Variants in EOMES observed in about 807,000 individuals in gnomAD.
EOMES encodes eomesodermin.
A neutral mutation model predicts 61.0 loss-of-function variants in EOMES; 18 were observed. The ratio of observed to expected loss-of-function variants is 0.30; its 90% CI spans 0.20 to 0.44. The LOEUF is 0.44. EOMES is among the 20% of genes least tolerant of loss of function. The probability of loss-of-function intolerance (pLI) is 1.00; values close to 1 mark genes in which losing one functional copy is unlikely to be tolerated. For synonymous variants in EOMES, 430 were observed against 394.0 expected (o/e 1.09, Z -1.08); for missense variants, 885 against 939.2 (o/e 0.94, Z 0.75).
rs1456823948 is a variant in EOMES at position 27,721,641 on chromosome 3, C to G, written c.654G>C (p.Ala218=). The change falls in exon 1 of 6, where the codon GCG becomes GCC. Residue 218 remains alanine (A), a synonymous_variant. Transcript: ENST00000449599. The surrounding 1 kb of genome is among the most constrained non-coding windows in gnomAD (Gnocchi z 7.4). ...FGPGAGAGSG[A]GGSSGGGGGP... Reference sequence around the variant, plus strand: ...CGCCGCCCCCGCCGCTGCTACCGCCCGCGCCACTGCCCGCACCGGCTCCTG... The same window carrying G: ...CGCCGCCCCCGCCGCTGCTACCGCCGGCGCCACTGCCCGCACCGGCTCCTG... The G allele has an allele frequency of 6.5e-7, 1 of 1,541,284 alleles. No homozygotes were observed. The highest frequency in any genetic ancestry group is 1.2e-5 in the South Asian group (1 of 84,046).
chr3:27,722,367 G>A, upstream of EOMES: 1 of 1,393,222 alleles, frequency 7.2e-7, no homozygotes, highest in Non-Finnish European at 9.3e-7. Context: ...CAGGATGGGG[G>A]AGCCAGCGCC....
Position 27,716,156 on chromosome 3 carries a change from T to A in EOMES, c.*914A>T, listed in dbSNP as rs980336320. The A allele has an allele frequency of 6.6e-6, 1 of 152,188 alleles. No individual in the cohort carries two copies. Among genetic ancestry groups the A allele is most frequent in the African/African-American group, 2.4e-5 (1 of 41,452 alleles). The allele number at this position is 152,188 out of a possible 1,614,324, so 9.4% of individuals were successfully genotyped here. A position where few individuals can be genotyped will look rare whatever the true frequency, so the allele number is the denominator to read the frequency against. ...GTTAGTACATAGTAGCTGAATACAT[T>A]CTTAACTATCTAAGAAGTAAACAGA... On this transcript the variant is annotated 3_prime_UTR_variant, in exon 6 of 6. Transcript: ENST00000449599.
chr3:27,721,891 G>T lies in EOMES; in HGVS notation c.404C>A (p.Ser135Tyr). 2 of 1,453,244 alleles carry T rather than the reference G, an allele frequency of 1.4e-6. No homozygotes were observed. The highest frequency in any genetic ancestry group is 1.8e-6 in the Non-Finnish European group (2 of 1,109,158). 90.0% of individuals were successfully genotyped at this position (1,453,244 alleles called of 1,614,324 possible). A position where few individuals can be genotyped will look rare whatever the true frequency, so the allele number is the denominator to read the frequency against. Reference sequence around the variant, plus strand: ...CCGCTCGGAGCTCAGGCTGTCCATGGAGTAGCGCGCAGTGGCCGCAGCCGC... The same window carrying T: ...CCGCTCGGAGCTCAGGCTGTCCATGTAGTAGCGCGCAGTGGCCGCAGCCGC... ...AAAAAATARY[S>Y]MDSLSSERYY... is the part of the protein sequence containing the mutation. The change falls in exon 1 of 6, where the codon TCC becomes TAC. Residue 135 changes from serine to tyrosine, a missense_variant. Ser to Tyr is a moderately radical substitution (Grantham distance 144). This residue lies in a region of EOMES where 449 missense variants were observed against 383.6 expected (regional missense o/e 1.17). Coordinates refer to ENST00000449599, the MANE Select transcript of EOMES (RefSeq NM_001278182.2). The surrounding 1 kb of genome is among the most constrained non-coding windows in gnomAD (Gnocchi z 7.4).
chr3:27,721,969 C>T lies in EOMES; in HGVS notation c.326G>A (p.Cys109Tyr). 4 of 1,437,808 alleles carry T rather than the reference C, an allele frequency of 2.8e-6. No individual in the cohort carries two copies. The highest frequency in any genetic ancestry group is 3.6e-6 in the Non-Finnish European group (4 of 1,105,680). The allele number at this position is 1,437,808 out of a possible 1,614,324, so 89.1% of individuals were successfully genotyped here. Reference protein sequence around the residue: ...GPPDGRKGSPCGEEELPSAAA... With the variant: ...GPPDGRKGSPYGEEELPSAAA... ...GGCGGAGGGCAGCTCCTCCTCCCCG[C>T]AGGGGGAGCCCTTGCGGCCGTCCGG... is the stretch of plus-strand genomic sequence containing the variant. Residue 109 changes from cysteine to tyrosine, a missense_variant, in exon 1 of 6, where the codon TGC becomes TAC. Around this residue, in one of 3 missense-constraint regions of EOMES, gnomAD observed 449 missense variants for 383.6 expected, o/e 1.17. Coordinates refer to ENST00000449599, the MANE Select transcript of EOMES (RefSeq NM_001278182.2). This position sits in a 1 kb window ranked among gnomAD's most constrained non-coding sequence, Gnocchi z 7.4.
In EOMES at chr3:27,717,617, G is replaced by T. The variant is rs2060579024; in HGVS notation, c.1571C>A (p.Pro524His). 1 of 1,613,992 alleles carries T rather than the reference G, an allele frequency of 6.2e-7. No individual in the cohort carries two copies. The highest frequency in any genetic ancestry group is 1.3e-5 in the African/African-American group (1 of 74,910). ...TVPQTNGLLS[P>H]QQSEEVANPP... ...GTTGGCCACCTCTTCGCTCTGTTGG[G>T]GTGAAAGGAGGCCGTTGGTCTGTGG... The change falls in exon 6 of 6, where the codon CCC becomes CAC. Residue 524 changes from proline (P) to histidine (H), a missense_variant. By Grantham distance (77) the Pro-to-His change is moderately conservative. Around this residue, in one of 3 missense-constraint regions of EOMES, gnomAD observed 259 missense variants for 282.3 expected, o/e 0.92. Coordinates refer to ENST00000449599, the MANE Select transcript of EOMES (RefSeq NM_001278182.2). This position sits in a 1 kb window ranked among gnomAD's most constrained non-coding sequence, Gnocchi z 4.5.
In EOMES at chr3:27,717,262, A is replaced by G. The variant is rs752315220; in HGVS notation, c.1926T>C (p.Pro642=). The change falls in exon 6 of 6, where the codon CCT becomes CCC. Residue 642 remains proline, a synonymous_variant. Coordinates refer to ENST00000449599, the MANE Select transcript of EOMES (RefSeq NM_001278182.2). This position sits in a 1 kb window ranked among gnomAD's most constrained non-coding sequence, Gnocchi z 4.5. The part of the protein sequence containing the change: ...EIGSSWIETP[P]SIKSLDSNDS... ...CATTGGAATCTAGAGATTTGATGGA[A>G]GGGGGTGTCTCTATCCAAGAAGAGC... 1.8e-5 allele frequency: 29 copies of G among 1,613,672 alleles called. No homozygotes were observed. Among genetic ancestry groups the G allele is most frequent in the Non-Finnish European group, 2.2e-5 (26 of 1,179,696 alleles).
rs1432318909 is a variant in EOMES at position 27,721,270 on chromosome 3, G to C, written c.881+144C>G. ...AGGGACACCGCATTGGAGATGCGGTGTCTACGGAGATTTATTGCGCGCGGT... is the reference window on the plus strand; with the variant it reads ...AGGGACACCGCATTGGAGATGCGGTCTCTACGGAGATTTATTGCGCGCGGT... On this transcript the variant is annotated intron_variant, in intron 1 of 5. Transcript: ENST00000449599. The surrounding 1 kb of genome is among the most constrained non-coding windows in gnomAD (Gnocchi z 7.4). The C allele has an allele frequency of 6.1e-6, 4 of 659,260 alleles. No individual in the cohort carries two copies. The highest frequency in any genetic ancestry group is 1.0e-5 in the Non-Finnish European group (4 of 386,920). 40.8% of individuals were successfully genotyped at this position (659,260 alleles called of 1,614,324 possible). A position where few individuals can be genotyped will look rare whatever the true frequency, so the allele number is the denominator to read the frequency against.
At position 27,717,230 on chromosome 3, in the gene EOMES, C is replaced by T; in HGVS notation, c.1958G>A (p.Gly653Glu). The T allele has an allele frequency of 6.2e-7, 1 of 1,614,010 alleles. No homozygotes were observed. The part of the protein sequence containing the change: ...SIKSLDSNDS[G>E]VYTSACKRRR... ...TCGCTTACAAGCACTGGTGTATACTCCTGAATCATTGGAATCTAGAGATTT... is the reference window on the plus strand; with the variant it reads ...TCGCTTACAAGCACTGGTGTATACTTCTGAATCATTGGAATCTAGAGATTT... Residue 653 changes from glycine to glutamate, a missense_variant, in exon 6 of 6, where the codon GGA (glycine) becomes GAA (glutamate). Coordinates refer to ENST00000449599, the MANE Select transcript of EOMES (RefSeq NM_001278182.2). The surrounding 1 kb of genome is among the most constrained non-coding windows in gnomAD (Gnocchi z 4.5).
Position 27,717,099 on chromosome 3 carries a change from C to T in EOMES, c.2089G>A (p.Gly697Arg). The T allele has an allele frequency of 6.2e-7, 1 of 1,612,018 alleles. No homozygotes were observed. Among genetic ancestry groups the T allele is most frequent in the Non-Finnish European group, 8.5e-7 (1 of 1,178,350 alleles). ...GGAGTTGTGTAAAAAGCATAATACC[C>T]TCCCATGCCTTTTGAGGTGTCTTTA... ...YSKDTSKGMGGYYAFYTTP is the reference protein window; with the variant it reads ...YSKDTSKGMGRYYAFYTTP Residue 697 changes from glycine to arginine, a missense_variant, in exon 6 of 6, where the codon GGG becomes AGG. By Grantham distance (125) the Gly-to-Arg change is moderately radical. This residue lies in a region of EOMES where 259 missense variants were observed against 282.3 expected (regional missense o/e 0.92). Coordinates refer to ENST00000449599, the MANE Select transcript of EOMES (RefSeq NM_001278182.2). The surrounding 1 kb of genome is among the most constrained non-coding windows in gnomAD (Gnocchi z 4.5).
intron 3 of EOMES, 117 bp downstream of exon 3, chr3:27,719,243 A>G (rs2060592324): frequency 9.3e-7 from 1 of 1,071,106 alleles, no homozygotes; most frequent in Non-Finnish European, 1.4e-6. Context: ...GAAATAGGCG[A>G]GCAAACAGGT....
rs146033663 is a variant in EOMES at position 27,717,201 on chromosome 3, G to A, written c.1987C>T (p.Arg663Trp). ...TTACTGGAGTTGCTAGGAGACAGCC[G>A]CCTTCGCTTACAAGCACTGGTGTAT... is the stretch of plus-strand genomic sequence containing the variant. ...GVYTSACKRR[R>W]LSPSNSSNEN... The change falls in exon 6 of 6, where the codon CGG becomes TGG. Residue 663 changes from arginine to tryptophan, a missense_variant. By Grantham distance (101) the Arg-to-Trp change is moderately radical (BLOSUM62 -3). This residue lies in a region of EOMES where 259 missense variants were observed against 282.3 expected (regional missense o/e 0.92). Coordinates refer to ENST00000449599, the MANE Select transcript of EOMES (RefSeq NM_001278182.2). This position sits in a 1 kb window ranked among gnomAD's most constrained non-coding sequence, Gnocchi z 4.5. 12 of 1,613,822 alleles carry A rather than the reference G, an allele frequency of 7.4e-6. No individual in the cohort carries two copies. Among genetic ancestry groups the A allele is most frequent in the South Asian group, 2.2e-5 (2 of 91,076 alleles).
Position 27,716,289 on chromosome 3 carries a change from A to G in EOMES, c.*781T>C, listed in dbSNP as rs2060568490. ...CAAAGCACCAGTTTTACATTATCCC[A>G]GACACCTATGTAGACTATTTGTACA... On this transcript the variant is annotated 3_prime_UTR_variant, in exon 6 of 6. Coordinates refer to ENST00000449599, the MANE Select transcript of EOMES (RefSeq NM_001278182.2). 1 of 152,184 alleles carries G rather than the reference A, an allele frequency of 6.6e-6. No individual in the cohort carries two copies. The highest frequency in any genetic ancestry group is 2.1e-4 in the South Asian group (1 of 4,822). 9.4% of individuals were successfully genotyped at this position (152,184 alleles called of 1,614,324 possible). A position where few individuals can be genotyped will look rare whatever the true frequency, so the allele number is the denominator to read the frequency against.
chr3:27,722,416 C>G (rs1483281952), upstream of EOMES: 5 of 1,366,334 alleles, frequency 3.7e-6, no homozygotes, highest in Non-Finnish European at 4.7e-6. Flanking sequence ...TCCTCCCGCG[C>G]CGGGGCTACC....
At position 27,721,824 on chromosome 3, in the gene EOMES, A is replaced by G; in HGVS notation, c.471T>C (p.Ala157=). The G allele has an allele frequency of 6.6e-7, 1 of 1,520,134 alleles. No homozygotes were observed. The highest frequency in any genetic ancestry group is 8.8e-7 in the Non-Finnish European group (1 of 1,141,582). The allele number at this position is 1,520,134 out of a possible 1,614,324, so 94.2% of individuals were successfully genotyped here. The stretch of plus-strand genomic sequence containing the variant: ...GGTACGGGAAGAGTGAGCAGGGCGC[A>G]GCCAGCTCCGACCCCTGAGGACCGG... The part of the protein sequence containing the change: ...QSPGPQGSEL[A]APCSLFPYQA... Residue 157 remains alanine, a synonymous_variant, in exon 1 of 6, where the codon GCT becomes GCC. Transcript: ENST00000449599. This position sits in a 1 kb window ranked among gnomAD's most constrained non-coding sequence, Gnocchi z 7.4.
chr3:27,721,765 T>G lies in EOMES; in HGVS notation c.530A>C (p.Tyr177Ser), dbSNP rs1410789606. 1 of 1,494,938 alleles carries G rather than the reference T, an allele frequency of 6.7e-7. No individual in the cohort carries two copies. Among genetic ancestry groups the G allele is most frequent in the Non-Finnish European group, 8.8e-7 (1 of 1,134,168 alleles). 92.6% of individuals were successfully genotyped at this position (1,494,938 alleles called of 1,614,324 possible). A position where few individuals can be genotyped will look rare whatever the true frequency, so the allele number is the denominator to read the frequency against. The change falls in exon 1 of 6, where the codon TAC (tyrosine) becomes TCC (serine). Residue 177 changes from tyrosine (Y) to serine (S), a missense_variant. Coordinates refer to ENST00000449599, the MANE Select transcript of EOMES (RefSeq NM_001278182.2). This position sits in a 1 kb window ranked among gnomAD's most constrained non-coding sequence, Gnocchi z 7.4. ...GTAGCGCGCCCCGTTAGGAGCCGGG[T>G]ACACAGGTCCGTGGGGCGCCCCAGC... ...AAAGAPHGPV[Y>S]PAPNGARYPY...
chr3:27,719,729 A>C (rs1267359178), intron 2 of EOMES, among the ~76,000 whole-genome samples: 1 of 152,176 alleles, frequency 6.6e-6, no homozygotes, highest in Non-Finnish European at 1.5e-5. Context: ...AGAATTTAGA[A>C]ACGGAGCTAA....
chr3:27,721,898 G>T lies in EOMES; in HGVS notation c.397C>A (p.Arg133Ser). 1 of 1,429,264 alleles carries T rather than the reference G, an allele frequency of 7.0e-7. No individual in the cohort carries two copies. The highest frequency in any genetic ancestry group is 9.1e-7 in the Non-Finnish European group (1 of 1,099,572). 88.5% of individuals were successfully genotyped at this position (1,429,264 alleles called of 1,614,324 possible). A position where few individuals can be genotyped will look rare whatever the true frequency, so the allele number is the denominator to read the frequency against. ...AAAAAAAATA[R>S]YSMDSLSSER... ...GAGCTCAGGCTGTCCATGGAGTAGCGCGCAGTGGCCGCAGCCGCGGCGGCG... is the reference window on the plus strand; with the variant it reads ...GAGCTCAGGCTGTCCATGGAGTAGCTCGCAGTGGCCGCAGCCGCGGCGGCG... Residue 133 changes from arginine (R) to serine (S), a missense_variant, in exon 1 of 6, where the codon CGC (arginine) becomes AGC (serine). Around this residue, in one of 3 missense-constraint regions of EOMES, gnomAD observed 449 missense variants for 383.6 expected, o/e 1.17. Coordinates refer to ENST00000449599, the MANE Select transcript of EOMES (RefSeq NM_001278182.2). This position sits in a 1 kb window ranked among gnomAD's most constrained non-coding sequence, Gnocchi z 7.4.
At chr3:27,722,697 G>A (rs1284182777), upstream of EOMES, 2 of 1,007,390 alleles carry the variant, frequency 2.0e-6, no homozygotes, top group East Asian at 1.0e-4. Context: ...CATCGGTCAA[G>A]TTGACCACTT....
chr3:27,721,763 G>A lies in EOMES; in HGVS notation c.532C>T (p.Pro178Ser). 6.7e-7 allele frequency: 1 copy of A among 1,494,952 alleles called. No homozygotes were observed. The highest frequency in any genetic ancestry group is 8.8e-7 in the Non-Finnish European group (1 of 1,134,102). The allele number at this position is 1,494,952 out of a possible 1,614,324, so 92.6% of individuals were successfully genotyped here. The change falls in exon 1 of 6, where the codon CCG becomes TCG. Residue 178 changes from proline (P) to serine (S), a missense_variant. This residue lies in a region of EOMES where 449 missense variants were observed against 383.6 expected (regional missense o/e 1.17). Coordinates refer to ENST00000449599, the MANE Select transcript of EOMES (RefSeq NM_001278182.2). The surrounding 1 kb of genome is among the most constrained non-coding windows in gnomAD (Gnocchi z 7.4). ...AAGAPHGPVYPAPNGARYPYG... is the reference protein window; with the variant it reads ...AAGAPHGPVYSAPNGARYPYG... Reference sequence around the variant, plus strand: ...GGGTAGCGCGCCCCGTTAGGAGCCGGGTACACAGGTCCGTGGGGCGCCCCA... The same window carrying A: ...GGGTAGCGCGCCCCGTTAGGAGCCGAGTACACAGGTCCGTGGGGCGCCCCA...
Sources: gnomAD v4.1 joint callset for allele counts (sites outside exome capture counted in the v4.1 genomes callset) on GRCh38, gnomAD v4.1.1 for gene constraint, gnomAD v4.1.1 regional missense constraint, Gnocchi (gnomAD v3.1) non-coding constraint, MANE v1.5 for transcripts, NCBI Gene and HGNC (gene_info 2026-07-23, HGNC 2026-07-21) for gene names.